Variants in DERPC observed in about 807,000 individuals in gnomAD.
DERPC encodes decreased expression in renal and prostate cancer protein.
A neutral mutation model predicts 7.2 loss-of-function variants in DERPC; 1 was observed. The observed-to-expected ratio is 0.14, with a 90% CI of 0.05 to 0.66. The LOEUF is 0.66. Ranked by LOEUF, DERPC falls within the 30% of genes least tolerant of loss-of-function variation. The probability of loss-of-function intolerance (pLI) is 0.84; values close to 1 mark genes in which losing one functional copy is unlikely to be tolerated. For synonymous variants in DERPC, 185 were observed against 117.6 expected (o/e 1.57, Z -3.71); for missense variants, 502 against 299.4 (o/e 1.68, Z -4.99).
Position 69,119,253 on chromosome 16 carries a change from C to A in DERPC, c.1176G>T (p.Gln392His). 1.4e-6 allele frequency: 1 copy of A among 703,020 alleles called. No homozygotes were observed. Among genetic ancestry groups the A allele is most frequent in the South Asian group, 1.5e-5 (1 of 67,584 alleles). The allele number at this position is 703,020 out of a possible 1,614,324, so 43.5% of individuals were successfully genotyped here. A position where few individuals can be genotyped will look rare whatever the true frequency, so the allele number is the denominator to read the frequency against. Reference protein sequence around the residue: ...PATFQRSAGLQGSNPTIFPRA... With the variant: ...PATFQRSAGLHGSNPTIFPRA... The stretch of plus-strand genomic sequence containing the variant: ...TTGGGAAAATGGTTGGATTTGAGCC[C>A]TGGAGGCCAGCGGACCTTTGGAAGG... Residue 392 changes from glutamine to histidine, a missense_variant, in exon 3 of 3, where the codon CAG becomes CAT. Physicochemically the swap from Gln to His is conservative, Grantham distance 24 (BLOSUM62 0). Coordinates refer to ENST00000519520, the MANE Select transcript of DERPC (RefSeq NM_001002847.4).
chr16:69,119,386 A>C lies in DERPC; in HGVS notation c.1043T>G (p.Phe348Cys). ...PGPIGPNSAH[F>C]SRPVGPMGVN... ...CCCCATGGGGCCAACTGGCCTTGAGAAATGAGCTGAATTAGGGCCTATGGG... is the reference window on the plus strand; with the variant it reads ...CCCCATGGGGCCAACTGGCCTTGAGCAATGAGCTGAATTAGGGCCTATGGG... The change falls in exon 3 of 3, where the codon TTC (phenylalanine) becomes TGC (cysteine). Residue 348 changes from phenylalanine to cysteine, a missense_variant. Transcript: ENST00000519520. 1 of 702,748 alleles carries C rather than the reference A, an allele frequency of 1.4e-6. No individual in the cohort carries two copies. Among genetic ancestry groups the C allele is most frequent in the South Asian group, 1.5e-5 (1 of 67,586 alleles). The allele number at this position is 702,748 out of a possible 1,614,324, so 43.5% of individuals were successfully genotyped here.
At position 69,121,541 on chromosome 16, in the gene DERPC, TA is replaced by T. The variant is rs1331867354; in HGVS notation, c.-279-49del. On this transcript the variant is annotated intron_variant, in intron 1 of 2. Coordinates refer to ENST00000519520, the MANE Select transcript of DERPC (RefSeq NM_001002847.4). ...TTAGGGTAATAACAACAACAACTAA[TA>T]ATGACACCTAATGCAACCTCCACCT... 8 of 1,107,064 alleles carry T rather than the reference TA, an allele frequency of 7.2e-6. No homozygotes were observed. The African/African-American group carries it at 1.3e-4, about 17-fold the overall frequency. 68.6% of individuals were successfully genotyped at this position (1,107,064 alleles called of 1,614,324 possible). A position where few individuals can be genotyped will look rare whatever the true frequency, so the allele number is the denominator to read the frequency against.
intron 1 of DERPC, among the ~76,000 whole-genome samples, chr16:69,127,782 G>C (rs948545973): frequency 1.3e-5 from 2 of 151,658 alleles, no homozygotes; most frequent in African/African-American, 4.8e-5. Context: ...GCAACTTTTT[G>C]TATTTTTAGT....
At chr16:69,129,733 T>C (rs1962359407) in intron 1 of DERPC, among the ~76,000 whole-genome samples, 1 of 152,198 alleles carries the variant, frequency 6.6e-6, no homozygotes, top group Non-Finnish European at 1.5e-5. Flanking sequence ...CCCCCTCCTG[T>C]AAAGCACCTC....
rs1961874924 is a variant in DERPC at position 69,123,948 on chromosome 16, C to CA, written c.-279-2456dup. Among the ~76,000 whole-genome samples the CA allele has an allele frequency of 2.0e-5, 2 of 99,598 alleles. 1 individual carries two copies. Among genetic ancestry groups the CA allele is most frequent in the South Asian group, 6.6e-4 (2 of 3,042 alleles). The allele number at this position is 99,598 out of a possible 152,430, so 65.3% of individuals were successfully genotyped here. ...ACTAAAAAAAAAAAAAAAAAAAAAA[C>CA]AAAAAATTAGCTGGGTGTGGTGGCG... is the stretch of plus-strand genomic sequence containing the variant. On this transcript the variant is annotated intron_variant, in intron 1 of 2. Transcript: ENST00000519520.
In DERPC at chr16:69,119,155, G is replaced by A. The variant is rs770014587; in HGVS notation, c.1274C>T (p.Thr425Ile). ...RATGLQGPSP[T>I]TFPRSTGPLG... is the part of the protein sequence containing the mutation. Reference sequence around the variant, plus strand: ...TGGGCCAGTAGACCTTGGGAAGGTAGTTGGACTTGGACCCTGCAGGCCAGT... The same window carrying A: ...TGGGCCAGTAGACCTTGGGAAGGTAATTGGACTTGGACCCTGCAGGCCAGT... The change falls in exon 3 of 3, where the codon ACT becomes ATT. Residue 425 changes from threonine to isoleucine, a missense_variant. Physicochemically the swap from Thr to Ile is moderately conservative, Grantham distance 89 (BLOSUM62 -1). Transcript: ENST00000519520. 10 of 702,942 alleles carry A rather than the reference G, an allele frequency of 1.4e-5. No homozygotes were observed. The highest frequency in any genetic ancestry group is 2.1e-5 in the Non-Finnish European group (8 of 385,022). The allele number at this position is 702,942 out of a possible 1,614,324, so 43.5% of individuals were successfully genotyped here. A position where few individuals can be genotyped will look rare whatever the true frequency, so the allele number is the denominator to read the frequency against.
At position 69,119,637 on chromosome 16, in the gene DERPC, G is replaced by C. The variant is rs1457192051; in HGVS notation, c.792C>G (p.Asn264Lys). 2.9e-6 allele frequency: 2 copies of C among 686,408 alleles called. No individual in the cohort carries two copies. The highest frequency in any genetic ancestry group is 5.3e-6 in the Non-Finnish European group (2 of 376,070). The allele number at this position is 686,408 out of a possible 1,614,324, so 42.5% of individuals were successfully genotyped here. A position where few individuals can be genotyped will look rare whatever the true frequency, so the allele number is the denominator to read the frequency against. The change falls in exon 3 of 3, where the codon AAC (asparagine) becomes AAG (lysine). Residue 264 changes from asparagine to lysine, a missense_variant. Coordinates refer to ENST00000519520, the MANE Select transcript of DERPC (RefSeq NM_001002847.4). ...GGLLGTGSGL[N>K]LRMAGPQGLD... is the part of the protein sequence containing the mutation. ...GGCCTTGAGGTCCAGCCATTCTTAA[G>C]TTAAGACCAGATCCTGTGCCCAAGA...
chr16:69,125,445 TCTGA>T (rs1317305393), intron 1 of DERPC, among the ~76,000 whole-genome samples: 1 of 151,760 alleles, frequency 6.6e-6, no homozygotes, highest in African/African-American at 2.4e-5. Flanking sequence ...ATCTGGGCCA[TCTGA>T]CTATCTACAC....
intron 1 of DERPC, among the ~76,000 whole-genome samples, chr16:69,128,900 C>A (rs1962285325): frequency 6.6e-6 from 1 of 151,650 alleles, no homozygotes; most frequent in African/African-American, 2.4e-5. Context: ...CCAGTTTCTA[C>A]GAAAAATACA....
At chr16:69,121,197 A>G (rs751019271) in intron 2 of DERPC, 13 of 1,599,108 alleles carry the variant, frequency 8.1e-6, no homozygotes, top group Non-Finnish European at 1.0e-5. Context: ...GGCGGTTACA[A>G]TATTTTTGAG....
intron 1 of DERPC, among the ~76,000 whole-genome samples, chr16:69,126,868 G>C (rs1962096461): frequency 1.3e-5 from 2 of 152,162 alleles, no homozygotes; most frequent in African/African-American, 4.8e-5. Context: ...GGGCACAGTA[G>C]GTAGGGATTC....
intron 1 of DERPC, among the ~76,000 whole-genome samples, chr16:69,126,055 A>G (rs1002359386): frequency 2.0e-5 from 3 of 152,248 alleles, no homozygotes; most frequent in African/African-American, 2.4e-5. Flanking sequence ...AAGGCTCAAT[A>G]ATGCACACAG....
At chr16:69,127,131 G>A (rs764467032) in intron 1 of DERPC, among the ~76,000 whole-genome samples, 2 of 151,906 alleles carry the variant, frequency 1.3e-5, no homozygotes, top group Non-Finnish European at 2.9e-5. Context: ...CCAGCTACTC[G>A]GGAGGCTGAG....
intron 1 of DERPC, 44 bp from the exon 2 acceptor site, chr16:69,121,537 CT>C: frequency 1.7e-6 from 2 of 1,210,544 alleles, no homozygotes; most frequent in Non-Finnish European, 1.2e-6. Flanking sequence ...ACAACAACAA[CT>C]AATAATGACA....
chr16:69,121,877 G>C (rs1025530314), intron 1 of DERPC, among the ~76,000 whole-genome samples: 2 of 152,144 alleles, frequency 1.3e-5, no homozygotes, highest in Admixed American at 1.3e-4. Flanking sequence ...CACCATGTTA[G>C]CCAGGATGGT....
chr16:69,121,525 T>TAAC (rs568564552), intron 1 of DERPC, 32 bp from the exon 2 acceptor site: 35 of 1,362,654 alleles, frequency 2.6e-5, no homozygotes, highest in South Asian at 8.9e-5. Context: ...TTTAGGGTAA[T>TAAC]AACAACAACA....
At chr16:69,125,146 C>T (rs147977368) in intron 1 of DERPC, among the ~76,000 whole-genome samples, 10 of 152,246 alleles carry the variant, frequency 6.6e-5, no homozygotes, top group East Asian at 1.9e-4. Flanking sequence ...TCAGGTGATA[C>T]GCCCGCGTTG....
intron 1 of DERPC, among the ~76,000 whole-genome samples, chr16:69,124,823 A>G (rs1034414201): frequency 1.3e-5 from 2 of 152,114 alleles, no homozygotes; most frequent in African/African-American, 4.8e-5. Context: ...CTGGTATGTT[A>G]ATCTTCCTTT....
rs1032782945 is a variant in DERPC, at chr16:69,121,595, A to G, written c.-279-102T>C. On this transcript the variant is annotated intron_variant, in intron 1 of 2. Transcript: ENST00000519520. ...CGGGTTCAATCGATTCTCCTGCCTC[A>G]GCCTCCCGAGTAGCTGGGAATACAG... 7.4e-5 allele frequency: 49 copies of G among 659,636 alleles called. No individual in the cohort carries two copies. The Middle Eastern group carries it at 1.2e-3, about 16-fold the overall frequency. The allele number at this position is 659,636 out of a possible 1,614,324, so 40.9% of individuals were successfully genotyped here. A position where few individuals can be genotyped will look rare whatever the true frequency, so the allele number is the denominator to read the frequency against.
Sources: allele counts gnomAD v4.1 joint callset (sites outside exome capture counted in the v4.1 genomes callset), GRCh38; gene constraint gnomAD v4.1.1; transcripts MANE v1.5; gene names NCBI Gene and HGNC (gene_info 2026-07-23, HGNC 2026-07-21).